HSPA12A: variants seen among roughly 807,000 people sequenced by gnomAD.
HSPA12A encodes the protein heat shock protein family A (Hsp70) member 12A.
A neutral mutation model predicts 69.2 loss-of-function variants in HSPA12A; 28 were observed. That is an observed-to-expected ratio of 0.40 (90% CI 0.30 to 0.55). The LOEUF (loss-of-function observed/expected upper bound fraction) is 0.55, where lower values mean the gene tolerates loss of function less well. Among genes scored for constraint, HSPA12A ranks in the 20% least tolerant of loss-of-function variants. The probability of loss-of-function intolerance (pLI) is 0.38; values close to 1 mark genes in which losing one functional copy is unlikely to be tolerated. For synonymous variants in HSPA12A, 345 were observed against 370.5 expected (o/e 0.93, Z 0.79); for missense variants, 686 against 900.7 (o/e 0.76, Z 3.05).
chr10:116,698,234 T>C (rs761885169), intron 5 of HSPA12A: 2 of 161,590 alleles, frequency 1.2e-5, no homozygotes, highest in Non-Finnish European at 2.7e-5. Context: ...TTCACAGTTA[T>C]GAATAATGTT....
At chr10:116,778,042 A>G (rs116946006) in intron 2 of HSPA12A, among the ~76,000 whole-genome samples, 2 of 152,254 alleles carry the variant, frequency 1.3e-5, no homozygotes, top group Non-Finnish European at 2.9e-5. Flanking sequence ...TTAACTCTTA[A>G]TAATGGCTGT....
intron 1 of HSPA12A, among the ~76,000 whole-genome samples, chr10:116,733,949 T>G (rs940062530): frequency 2.0e-4 from 31 of 152,190 alleles, no homozygotes; most frequent in African/African-American, 7.5e-4. Flanking sequence ...CAGCATATTT[T>G]CCTACAAATC....
At chr10:116,742,782 C>T (rs1485880864), upstream of HSPA12A, among the ~76,000 whole-genome samples, 6 of 151,946 alleles carry the variant, frequency 3.9e-5, no homozygotes, top group East Asian at 1.9e-4. Flanking sequence ...TCTCCTCTCC[C>T]GGCTTCGGGA....
At chr10:116,814,951 G>T (rs954486823) in intron 2 of HSPA12A, among the ~76,000 whole-genome samples, 2 of 152,180 alleles carry the variant, frequency 1.3e-5, no homozygotes, top group African/African-American at 4.8e-5. Flanking sequence ...CAGATGGAGA[G>T]CAGACAGCAA....
chr10:116,722,727 G>A (rs1466219009), intron 1 of HSPA12A, among the ~76,000 whole-genome samples: 1 of 152,126 alleles, frequency 6.6e-6, no homozygotes, highest in African/African-American at 2.4e-5. Flanking sequence ...TGAGATCTCA[G>A]GCCAAAACAT....
chr10:116,767,170 C>T (rs1844098313), intron 2 of HSPA12A, among the ~76,000 whole-genome samples: 1 of 152,148 alleles, frequency 6.6e-6, no homozygotes, highest in South Asian at 2.1e-4. Context: ...CCTCATTGGC[C>T]TGGAGGAAAC....
chr10:116,814,585 C>T (rs1308927067), intron 2 of HSPA12A, among the ~76,000 whole-genome samples: 1 of 152,186 alleles, frequency 6.6e-6, no homozygotes, highest in Non-Finnish European at 1.5e-5. Flanking sequence ...GGCAGTCACT[C>T]TCCACCCTCC....
intron 2 of HSPA12A, among the ~76,000 whole-genome samples, chr10:116,773,067 T>C (rs758363): frequency 0.4 from 60,136 of 151,998 alleles, 12,749 homozygotes; most frequent in Non-Finnish European, 0.46. Context: ...AGACTAAAAG[T>C]CTGGGTGAGC....
chr10:116,809,514 A>G (rs527586559), intron 2 of HSPA12A, among the ~76,000 whole-genome samples: 12 of 152,346 alleles, frequency 7.9e-5, no homozygotes, highest in African/African-American at 2.9e-4. Context: ...TGAGGATTCC[A>G]CGGGAGAGCC....
At chr10:116,752,140 G>T (rs574774580) in intron 2 of HSPA12A, among the ~76,000 whole-genome samples, 1 of 152,312 alleles carries the variant, frequency 6.6e-6, no homozygotes, top group East Asian at 1.9e-4. Context: ...TGGGGACGTT[G>T]GGGGTGGTGA....
chr10:116,703,535 T>TA (rs35271333), intron 3 of HSPA12A, among the ~76,000 whole-genome samples: 48 of 146,482 alleles, frequency 3.3e-4, no homozygotes, highest in South Asian at 8.6e-4. Context: ...GCCTGTCTCT[T>TA]AAAAAAAAAA....
At chr10:116,825,718 G>A (rs2133202946) in intron 2 of HSPA12A, among the ~76,000 whole-genome samples, 1 of 152,266 alleles carries the variant, frequency 6.6e-6, no homozygotes, top group South Asian at 2.1e-4. Context: ...AACGAGGAGT[G>A]GCTGCTGCTA....
At position 116,679,639 on chromosome 10, in the gene HSPA12A, T is replaced by C. The variant is rs374166494; in HGVS notation, c.1150A>G (p.Ile384Val). The part of the protein sequence containing the change: ...KRPAAWVDLM[I>V]AFESRKRAAA... ...GCCCTTTTGCGAGACTCAAACGCAA[T>C]CATTAAGTCAACCCAGGCTGCAGGG... Residue 384 changes from isoleucine to valine, a missense_variant, in exon 10 of 12, where the codon ATT becomes GTT. Transcript: ENST00000369209. 1.1e-5 allele frequency: 18 copies of C among 1,614,140 alleles called. No homozygotes were observed. Among genetic ancestry groups the C allele is most frequent in the Non-Finnish European group, 1.5e-5 (18 of 1,180,050 alleles).
intron 2 of HSPA12A, among the ~76,000 whole-genome samples, chr10:116,812,084 A>G (rs1205663976): frequency 6.6e-6 from 1 of 152,190 alleles, no homozygotes; most frequent in Non-Finnish European, 1.5e-5. Context: ...TTCATCTGGG[A>G]AAAGTGGCCC....
chr10:116,786,328 C>T (rs939282784), intron 2 of HSPA12A, among the ~76,000 whole-genome samples: 20 of 152,132 alleles, frequency 1.3e-4, no homozygotes, highest in African/African-American at 2.7e-4. Context: ...AGAACAACTC[C>T]GCCTTGCCCC....
At chr10:116,748,425 A>ATGC (rs1851699687) in intron 2 of HSPA12A, among the ~76,000 whole-genome samples, 1 of 152,226 alleles carries the variant, frequency 6.6e-6, no homozygotes, top group African/African-American at 2.4e-5. Context: ...AGAGTTAGGA[A>ATGC]TGCACACTAA....
At chr10:116,742,682 G>A (rs1300491643), upstream of HSPA12A, 1 of 833,808 alleles carries the variant, frequency 1.2e-6, no homozygotes, top group Non-Finnish European at 1.5e-6. Flanking sequence ...CGGGCCGGCC[G>A]GGAAAGGTCG....
intron 1 of HSPA12A, among the ~76,000 whole-genome samples, chr10:116,717,684 T>C (rs1159070479): frequency 6.6e-6 from 1 of 152,168 alleles, no homozygotes; most frequent in Non-Finnish European, 1.5e-5. Context: ...ACCATCATCA[T>C]TATAAAATCG....
intron 3 of HSPA12A, among the ~76,000 whole-genome samples, chr10:116,703,974 G>A (rs1214758344): frequency 6.6e-6 from 1 of 152,164 alleles, no homozygotes; most frequent in African/African-American, 2.4e-5. Flanking sequence ...AGCACCTGGA[G>A]AGGATGTGGA....
Sources: gnomAD v4.1 joint callset for allele counts (sites outside exome capture counted in the v4.1 genomes callset) on GRCh38, gnomAD v4.1.1 for gene constraint, MANE v1.5 for transcripts, NCBI Gene and HGNC (gene_info 2026-07-23, HGNC 2026-07-21) for gene names.